NME7: variants seen among roughly 807,000 people sequenced by gnomAD.
The protein encoded by NME7 is NME/NM23 family member 7.
NME7 carries 41 observed loss-of-function variants against 49.1 expected under a neutral mutation model. The observed-to-expected ratio is 0.83, with a 90% CI of 0.65 to 1.08. NME7 has a LOEUF of 1.08. Among genes scored for constraint, NME7 ranks in the 50% least tolerant of loss-of-function variants. The probability of loss-of-function intolerance (pLI) is 0.00; values close to 1 mark genes in which losing one functional copy is unlikely to be tolerated. For missense variants in NME7, 423 were observed against 463.4 expected (o/e 0.91, Z 0.80); for synonymous variants, 139 against 150.6 (o/e 0.92, Z 0.56).
rs573791169 is a variant in NME7, at chr1:169,335,027, C to A, written c.4-10527G>T. 2.6e-5 allele frequency among the ~76,000 whole-genome samples: 4 copies of A among 152,202 alleles called. 1 individual carries two copies. In the South Asian group the frequency reaches 6.2e-4, roughly 24 times the overall value. On this transcript the variant is annotated intron_variant, in intron 1 of 11. Transcript: ENST00000367811. ...AACCACAATGAGATACCATCTCACA[C>A]CAGTTAGAATGACGATTAAAAAGTA...
At chr1:169,308,605 G>A (rs1651270123) in intron 4 of NME7, among the ~76,000 whole-genome samples, 1 of 152,036 alleles carries the variant, frequency 6.6e-6, no homozygotes, top group Admixed American at 6.6e-5. Context: ...CATTTGGTAG[G>A]AAATTTTTTA....
At chr1:169,338,139 T>C (rs1652553155) in intron 1 of NME7, among the ~76,000 whole-genome samples, 1 of 152,090 alleles carries the variant, frequency 6.6e-6, no homozygotes, top group Admixed American at 6.5e-5. Context: ...AGCTATCCTA[T>C]TTCACTTAAA....
chr1:169,331,632 G>A lies in NME7; in HGVS notation c.4-7132C>T, dbSNP rs564264378. Among the ~76,000 whole-genome samples, 321 of 152,130 alleles carry A rather than the reference G, an allele frequency of 2.1e-3. 4 individuals are homozygous for A. Among genetic ancestry groups the A allele is most frequent in the African/African-American group, 7.1e-3 (293 of 41,544 alleles). ...TAAATTCAGTAAAGTTGCAGGATACGAAATCATACAAATATCAGTGGTATT... is the reference window on the plus strand; with the variant it reads ...TAAATTCAGTAAAGTTGCAGGATACAAAATCATACAAATATCAGTGGTATT... On this transcript the variant is annotated intron_variant, in intron 1 of 11. Transcript: ENST00000367811.
At chr1:169,333,599 G>A (rs1299207062) in intron 1 of NME7, among the ~76,000 whole-genome samples, 1 of 151,792 alleles carries the variant, frequency 6.6e-6, no homozygotes, top group Non-Finnish European at 1.5e-5. Flanking sequence ...ACTATCTCAT[G>A]AACCCCATAA....
intron 3 of NME7, among the ~76,000 whole-genome samples, chr1:169,319,660 A>G (rs918796170): frequency 6.6e-6 from 1 of 152,154 alleles, no homozygotes; most frequent in Non-Finnish European, 1.5e-5. Flanking sequence ...AGACCTTGGG[A>G]TCAAAGATTA....
rs1450231182 is a variant in NME7, at chr1:169,230,742, T to C, written c.966A>G (p.Arg322=). The C allele has an allele frequency of 6.2e-7, 1 of 1,603,082 alleles. No homozygotes were observed. Among genetic ancestry groups the C allele is most frequent in the Non-Finnish European group, 8.5e-7 (1 of 1,175,080 alleles). ...IQQNNATKTF[R]EFCGPADPEI... ...CAGGATCAGCAGGTCCACAAAATTC[T>C]CGAAATGTCTTTGTAGCATTATTCT... The change falls in exon 10 of 12, where the codon CGA becomes CGG. Residue 322 remains arginine (R), a synonymous_variant. Transcript: ENST00000367811.
chr1:169,179,670 C>T (rs538482629), intron 10 of NME7, among the ~76,000 whole-genome samples: 12 of 152,246 alleles, frequency 7.9e-5, no homozygotes, highest in African/African-American at 2.6e-4. Flanking sequence ...ATGGATGGAG[C>T]TGGAGGCCAT....
At chr1:169,228,154 C>T (rs1647423555) in intron 10 of NME7, among the ~76,000 whole-genome samples, 1 of 152,036 alleles carries the variant, frequency 6.6e-6, no homozygotes, top group Non-Finnish European at 1.5e-5. Context: ...AGCAATCTTC[C>T]TGCCTTATCC....
intron 11 of NME7, among the ~76,000 whole-genome samples, chr1:169,148,041 T>C (rs1658809885): frequency 6.6e-6 from 1 of 151,998 alleles, no homozygotes; most frequent in African/African-American, 2.4e-5. Flanking sequence ...CTCGCTCTGT[T>C]GCCCAGGCTG....
At chr1:169,150,742 T>C (rs1658889432) in intron 11 of NME7, among the ~76,000 whole-genome samples, 1 of 136,100 alleles carries the variant, frequency 7.3e-6, no homozygotes. Context: ...GTTTATATGA[T>C]GAGAAGAGAG....
intron 3 of NME7, among the ~76,000 whole-genome samples, chr1:169,317,280 A>C (rs962471370): frequency 6.6e-6 from 1 of 152,184 alleles, no homozygotes; most frequent in Non-Finnish European, 1.5e-5. Flanking sequence ...AGGAAATTCA[A>C]CTCTAATCTG....
At chr1:169,323,059 G>A (rs1651912868) in intron 3 of NME7, 58 bp downstream of exon 3, 3 of 1,369,512 alleles carry the variant, frequency 2.2e-6, no homozygotes, top group Admixed American at 2.5e-5. Context: ...TCTTGATTCA[G>A]ATTGACTTTG....
rs534972805 is a variant in NME7 at position 169,165,019 on chromosome 1, C to A, written c.1098+4428G>T. Among the ~76,000 whole-genome samples, 12 of 152,222 alleles carry A rather than the reference C, an allele frequency of 7.9e-5. No individual in the cohort carries two copies. In the South Asian group the frequency reaches 1.2e-3, roughly 16 times the overall value. The stretch of plus-strand genomic sequence containing the variant: ...TACCATCAATGCTATCTTTAACACA[C>A]AAATTTAAGATCATTGTAGTTACAA... On this transcript the variant is annotated intron_variant, in intron 11 of 11. Coordinates refer to ENST00000367811, the MANE Select transcript of NME7 (RefSeq NM_013330.5).
intron 10 of NME7, among the ~76,000 whole-genome samples, chr1:169,205,381 C>T (rs1213275827): frequency 1.3e-5 from 2 of 151,974 alleles, no homozygotes; most frequent in African/African-American, 4.8e-5. Flanking sequence ...ACAAGGTTGC[C>T]CAAAACTCAT....
intron 1 of NME7, among the ~76,000 whole-genome samples, chr1:169,341,418 G>A (rs1014562746): frequency 4.6e-5 from 7 of 152,212 alleles, no homozygotes; most frequent in African/African-American, 1.4e-4. Context: ...GCAAAAGTCT[G>A]CTGCTGGGGC....
At chr1:169,254,285 G>A (rs1648789667) in intron 7 of NME7, among the ~76,000 whole-genome samples, 1 of 152,062 alleles carries the variant, frequency 6.6e-6, no homozygotes, top group African/African-American at 2.4e-5. Flanking sequence ...TCCTGGTTTA[G>A]TCTTGGGAGA....
At chr1:169,321,356 C>A (rs1485972021) in intron 3 of NME7, among the ~76,000 whole-genome samples, 1 of 152,034 alleles carries the variant, frequency 6.6e-6, no homozygotes, top group South Asian at 2.1e-4. Flanking sequence ...CCAGACCCCA[C>A]CTCAAAAATA....
At chr1:169,327,529 T>G (rs1319336304) in intron 1 of NME7, among the ~76,000 whole-genome samples, 1 of 152,178 alleles carries the variant, frequency 6.6e-6, no homozygotes, top group Non-Finnish European at 1.5e-5. Context: ...CCCAGAAGCC[T>G]TAGTATCTTA....
At chr1:169,183,056 T>C (rs1431872050) in intron 10 of NME7, among the ~76,000 whole-genome samples, 4 of 152,226 alleles carry the variant, frequency 2.6e-5, no homozygotes, top group Non-Finnish European at 5.9e-5. Context: ...TAAGCTCTAA[T>C]CCATAGCTCT....
Sources: allele counts gnomAD v4.1 joint callset (sites outside exome capture counted in the v4.1 genomes callset), GRCh38; gene constraint gnomAD v4.1.1; transcripts MANE v1.5; gene names NCBI Gene and HGNC (gene_info 2026-07-23, HGNC 2026-07-21).